The following TPT1 variants were observed in gnomAD, a reference collection of about 807,000 sequenced individuals.
TPT1 encodes the protein tumor protein, translationally-controlled 1.
Under a neutral mutation model 22.8 loss-of-function variants are expected in TPT1, and 5 were observed. The observed-to-expected ratio is 0.22, with a 90% CI of 0.11 to 0.46. TPT1 has a LOEUF of 0.46. Among genes scored for constraint, TPT1 ranks in the 20% least tolerant of loss-of-function variants. The pLI is 0.99. For synonymous variants in TPT1, 89 were observed against 73.6 expected (o/e 1.21, Z -1.07); for missense variants, 130 against 218.7 (o/e 0.59, Z 2.56).
chr13:45,340,204 T>C lies in TPT1; in HGVS notation c.103-20A>G. On this transcript the variant is annotated intron_variant, in intron 2 of 5. Transcript: ENST00000530705. Reference sequence around the variant, plus strand: ...GACCATCTGCATTAAGAAAAAGCAGTATAATTGCAAAAGACACAAACGCAT... The same window carrying C: ...GACCATCTGCATTAAGAAAAAGCAGCATAATTGCAAAAGACACAAACGCAT... 1 of 1,598,642 alleles carries C rather than the reference T, an allele frequency of 6.3e-7. No individual in the cohort carries two copies. Among genetic ancestry groups the C allele is most frequent in the Non-Finnish European group, 8.5e-7 (1 of 1,171,012 alleles).
intron 1 of TPT1, 98 bp downstream of exon 1, chr13:45,340,944 C>T (rs1437538292): frequency 1.9e-6 from 3 of 1,542,072 alleles, no homozygotes; most frequent in African/African-American, 1.4e-5. Flanking sequence ...CTAAGACCGC[C>T]GGCGTCCCCT....
chr13:45,338,518 A>T (rs1413020689), intron 5 of TPT1, 142 bp downstream of exon 5: 5 of 1,424,276 alleles, frequency 3.5e-6, no homozygotes, highest in African/African-American at 2.9e-5. Flanking sequence ...ATGAAACACA[A>T]TTCTCTTGAT....
At chr13:45,337,465 A>C in intron 5 of TPT1, 77 bp from the exon 6 acceptor site, 1 of 1,614,084 alleles carries the variant, frequency 6.2e-7, no homozygotes, top group Admixed American at 1.7e-5. Flanking sequence ...CATGCAGCCT[A>C]CATTTCCAGG....
At position 45,337,052 on chromosome 13, in the gene TPT1, A is replaced by T. The variant is rs150126004; in HGVS notation, c.*334T>A. 3.2e-4 allele frequency: 105 copies of T among 324,302 alleles called. No homozygotes were observed. Among genetic ancestry groups the T allele is most frequent in the African/African-American group, 2.0e-3 (93 of 46,054 alleles). 20.1% of individuals were successfully genotyped at this position (324,302 alleles called of 1,614,324 possible). A position where few individuals can be genotyped will look rare whatever the true frequency, so the allele number is the denominator to read the frequency against. ...ATTCTTTTTTATATTCCAGTCCCAGAAGTAGTCTCCACTGTAGAAGTTAAT... is the reference window on the plus strand; with the variant it reads ...ATTCTTTTTTATATTCCAGTCCCAGTAGTAGTCTCCACTGTAGAAGTTAAT... On this transcript the variant is annotated 3_prime_UTR_variant, in exon 6 of 6. Coordinates refer to ENST00000530705, the MANE Select transcript of TPT1 (RefSeq NM_003295.4).
chr13:45,340,478 T>G, intron 2 of TPT1: 1 of 745,116 alleles, frequency 1.3e-6, no homozygotes, highest in Non-Finnish European at 2.4e-6. Context: ...TCCAGGCTCC[T>G]AAGCCGGAAG....
At chr13:45,340,857 GC>G (rs764213272) in intron 1 of TPT1, 72 bp from the exon 2 acceptor site, 1 of 1,463,118 alleles carries the variant, frequency 6.8e-7, no homozygotes, top group South Asian at 1.4e-5. Flanking sequence ...CGCGCCGGCG[GC>G]CGCACGCGGG....
At position 45,340,101 on chromosome 13, in the gene TPT1, G is replaced by A. The variant is rs11552484; in HGVS notation, c.186C>T (p.Thr62=). ...ASAEGPEGEG[T]ESTVITGVDI... is the part of the protein sequence containing the mutation. ...CGACACCAGTGATTACTGTGCTTTC[G>A]GTACCTTCGCCCTCGGGGCCTTCAG... is the stretch of plus-strand genomic sequence containing the variant. Residue 62 remains threonine, a synonymous_variant, in exon 3 of 6, where the codon ACC becomes ACT. Transcript: ENST00000530705. 2 of 1,613,966 alleles carry A rather than the reference G, an allele frequency of 1.2e-6. No homozygotes were observed. The highest frequency in any genetic ancestry group is 8.5e-7 in the Non-Finnish European group (1 of 1,180,018).
At position 45,336,476 on chromosome 13, in the gene TPT1, G is replaced by GAT. The variant is rs1376231058; in HGVS notation, c.*908_*909dup. The GAT allele has an allele frequency of 6.6e-6, 1 of 152,142 alleles. No homozygotes were observed. Among genetic ancestry groups the GAT allele is most frequent in the African/African-American group, 2.4e-5 (1 of 41,418 alleles). The allele number at this position is 152,142 out of a possible 1,614,324, so 9.4% of individuals were successfully genotyped here. A position where few individuals can be genotyped will look rare whatever the true frequency, so the allele number is the denominator to read the frequency against. On this transcript the variant is annotated 3_prime_UTR_variant, in exon 6 of 6. Coordinates refer to ENST00000530705, the MANE Select transcript of TPT1 (RefSeq NM_003295.4). ...CTTATTCAGACACCCCATCTTTTCA[G>GAT]ATACAATATAGAGAACATTTTTACC...
intron 5 of TPT1, chr13:45,337,638 A>G (rs1176123644): frequency 2.1e-6 from 3 of 1,441,296 alleles, no homozygotes; most frequent in African/African-American, 2.8e-5. Context: ...GCGGTAGCTC[A>G]TTTTTCAGAA....
chr13:45,338,455 G>A (rs1254026294), intron 5 of TPT1: 13 of 1,079,770 alleles, frequency 1.2e-5, no homozygotes, highest in African/African-American at 9.8e-5. Flanking sequence ...TGCACTCAAC[G>A]TTTTCCACAA....
rs377196886 is a variant in TPT1 at position 45,341,073 on chromosome 13, G to A, written c.-4C>T. The A allele has an allele frequency of 8.8e-5, 142 of 1,613,098 alleles. No individual in the cohort carries two copies. In the Middle Eastern group the frequency reaches 1.2e-3, roughly 13 times the overall value. On this transcript the variant is annotated 5_prime_UTR_variant, in exon 1 of 6. Transcript: ENST00000530705. The stretch of plus-strand genomic sequence containing the variant: ...TGAGGTCCCGGTAGATAATCATGAT[G>A]GCGACTGAAGGGAGACGACGACGGC...
At chr13:45,339,030 T>C (rs962598400) in intron 4 of TPT1, 1 of 387,510 alleles carries the variant, frequency 2.6e-6, no homozygotes, top group Non-Finnish European at 4.6e-6. Flanking sequence ...CTCTCAATCC[T>C]AAATACAATC....
intron 1 of TPT1, 40 bp from the exon 2 acceptor site, chr13:45,340,825 C>T (rs1452327339): frequency 1.3e-6 from 2 of 1,496,300 alleles, no homozygotes; most frequent in Admixed American, 2.5e-5. Context: ...GTGCGCCTGG[C>T]GCCGCCATTT....
intron 5 of TPT1, 126 bp downstream of exon 5, chr13:45,338,534 A>G: frequency 6.9e-7 from 1 of 1,457,270 alleles, no homozygotes; most frequent in Middle Eastern, 1.8e-4. Context: ...TTGATCCCCA[A>G]AGAGAAAACT....
chr13:45,337,429 C>T (rs1291214952), intron 5 of TPT1, 41 bp from the exon 6 acceptor site: 2 of 1,614,126 alleles, frequency 1.2e-6, no homozygotes, highest in African/African-American at 1.3e-5. Context: ...TCAAACATTA[C>T]ACTGCAAAAG....
chr13:45,340,547 C>T, intron 2 of TPT1, 165 bp downstream of exon 2: 1 of 915,172 alleles, frequency 1.1e-6, no homozygotes, highest in Non-Finnish European at 1.7e-6. Flanking sequence ...GGCCTATTTC[C>T]AGGATCAGCT....
chr13:45,337,000 T>C lies in TPT1; in HGVS notation c.*386A>G, dbSNP rs1326462627. Reference sequence around the variant, plus strand: ...CTGCTATGAGCATGGTCTTTCCCTTTATTGCAACTCAAAATCAGAACCTTT... The same window carrying C: ...CTGCTATGAGCATGGTCTTTCCCTTCATTGCAACTCAAAATCAGAACCTTT... On this transcript the variant is annotated 3_prime_UTR_variant, in exon 6 of 6. Coordinates refer to ENST00000530705, the MANE Select transcript of TPT1 (RefSeq NM_003295.4). 1 of 242,424 alleles carries C rather than the reference T, an allele frequency of 4.1e-6. No individual in the cohort carries two copies. Among genetic ancestry groups the C allele is most frequent in the South Asian group, 5.3e-5 (1 of 18,926 alleles). 15.0% of individuals were successfully genotyped at this position (242,424 alleles called of 1,614,324 possible). A position where few individuals can be genotyped will look rare whatever the true frequency, so the allele number is the denominator to read the frequency against.
At position 45,341,097 on chromosome 13, in the gene TPT1, G is replaced by C. The variant is rs944580514; in HGVS notation, c.-28C>G. 6.2e-7 allele frequency: 1 copy of C among 1,612,056 alleles called. No individual in the cohort carries two copies. The highest frequency in any genetic ancestry group is 8.5e-7 in the Non-Finnish European group (1 of 1,179,060). ...TGGCGACTGAAGGGAGACGACGACG[G>C]CGCTAGCTTAGCACGAGCCTGAAAC... is the stretch of plus-strand genomic sequence containing the variant. On this transcript the variant is annotated 5_prime_UTR_variant, in exon 1 of 6. Coordinates refer to ENST00000530705, the MANE Select transcript of TPT1 (RefSeq NM_003295.4).
At chr13:45,340,374 G>A (rs1166612035) in intron 2 of TPT1, 190 bp from the exon 3 acceptor site, 19 of 906,154 alleles carry the variant, frequency 2.1e-5, no homozygotes, top group Non-Finnish European at 3.3e-5. Context: ...TCTGTTGGCC[G>A]GAACAAAAAA....
Sources: allele counts gnomAD v4.1 joint callset, GRCh38; gene constraint gnomAD v4.1.1; transcripts MANE v1.5; gene names NCBI Gene and HGNC (gene_info 2026-07-23, HGNC 2026-07-21).